Variants in DMPK observed in about 807,000 individuals in gnomAD.
The protein encoded by DMPK is DM1 protein kinase.
Under a neutral mutation model 70.3 loss-of-function variants are expected in DMPK, and 32 were observed. The ratio of observed to expected loss-of-function variants is 0.46; its 90% CI spans 0.34 to 0.61. DMPK has a LOEUF of 0.61. Ranked by LOEUF, DMPK falls within the 20% of genes least tolerant of loss-of-function variation. The pLI is 0.01. For missense variants in DMPK, 899 were observed against 886.0 expected (o/e 1.01, Z -0.19); for synonymous variants, 469 against 390.9 (o/e 1.20, Z -2.36).
At chr19:45,775,856 T>C (rs1430821748) in intron 8 of DMPK, among the ~76,000 whole-genome samples, 5 of 86,146 alleles carry the variant, frequency 5.8e-5, no homozygotes, top group African/African-American at 2.0e-4. Flanking sequence ...AGTCTCACTC[T>C]GTCACCCAGA....
chr19:45,780,509 T>C (rs1288147512), intron 1 of DMPK: 20 of 1,095,166 alleles, frequency 1.8e-5, no homozygotes, highest in Non-Finnish European at 2.1e-5. Flanking sequence ...TATTTACAGA[T>C]GACAATCAGG....
At chr19:45,779,088 G>A (rs1007912205) in intron 4 of DMPK, 176 bp downstream of exon 4, 23 of 654,972 alleles carry the variant, frequency 3.5e-5, no homozygotes, top group Non-Finnish European at 6.2e-5. Context: ...CACCATCCCC[G>A]TCTCAGATAG....
At chr19:45,780,434 G>T (rs1970051818) in intron 1 of DMPK, 1 of 1,323,854 alleles carries the variant, frequency 7.6e-7, no homozygotes, top group Admixed American at 2.2e-5. Flanking sequence ...ACATATCCCA[G>T]ACTCAAGTGC....
At chr19:45,775,075 G>T in intron 8 of DMPK, 41 bp from the exon 9 acceptor site, 2 of 1,539,016 alleles carry the variant, frequency 1.3e-6, no homozygotes, top group Non-Finnish European at 1.8e-6. Flanking sequence ...TCGTCAGGGC[G>T]GGCCCCTCAC....
chr19:45,778,651 G>T lies in DMPK; in HGVS notation c.433-10C>A. 6.2e-7 allele frequency: 1 copy of T among 1,612,506 alleles called. No individual in the cohort carries two copies. On this transcript the variant is annotated splice_polypyrimidine_tract_variant and intron_variant, in intron 4 of 14. Transcript: ENST00000291270. ...ACTCCATGACCAGGTACTGAGAAGGGGTTCGTCATGGGTGGTTGGTAGTCC... is the reference window on the plus strand; with the variant it reads ...ACTCCATGACCAGGTACTGAGAAGGTGTTCGTCATGGGTGGTTGGTAGTCC...
chr19:45,779,120 A>T, intron 4 of DMPK, 144 bp downstream of exon 4: 1 of 804,812 alleles, frequency 1.2e-6, no homozygotes, highest in Admixed American at 1.9e-5. Flanking sequence ...CATCCACCTG[A>T]CACACCCTCT....
At position 45,782,363 on chromosome 19, in the gene DMPK, C is replaced by G. The variant is rs1209176651; in HGVS notation, c.-11G>C. 19 of 1,560,378 alleles carry G rather than the reference C, an allele frequency of 1.2e-5. No individual in the cohort carries two copies. Among genetic ancestry groups the G allele is most frequent in the Non-Finnish European group, 1.6e-5 (18 of 1,153,442 alleles). On this transcript the variant is annotated 5_prime_UTR_variant, in exon 1 of 15. Coordinates refer to ENST00000291270, the MANE Select transcript of DMPK (RefSeq NM_004409.5). ...CACCTCGGCTGACATGTTGGACAGG[C>G]AGCACCATGGCCCCTCCCCGGGCCG...
chr19:45,770,459 G>C lies in DMPK; in HGVS notation c.*29C>G, dbSNP rs1056587328. The C allele has an allele frequency of 6.5e-7, 1 of 1,549,162 alleles. No individual in the cohort carries two copies. ...CCCCGGGCACTCAGTCTTCCAACGG[G>C]GCCCCGGAGTCGAAGACAGTTCTAG... On this transcript the variant is annotated 3_prime_UTR_variant, in exon 15 of 15. Coordinates refer to ENST00000291270, the MANE Select transcript of DMPK (RefSeq NM_004409.5).
intron 14 of DMPK, 141 bp downstream of exon 14, chr19:45,770,830 G>A (rs1969361956): frequency 2.1e-6 from 2 of 964,046 alleles, no homozygotes; most frequent in South Asian, 1.7e-5. Context: ...CTGCTTCCTA[G>A]CGGCCTGTGT....
rs1403450443 is a variant in DMPK at position 45,770,011 on chromosome 19, G to A, written c.*477C>T. On this transcript the variant is annotated 3_prime_UTR_variant, in exon 15 of 15. Coordinates refer to ENST00000291270, the MANE Select transcript of DMPK (RefSeq NM_004409.5). ...CAAATTTCCCGAGTAAGCAGGCAGA[G>A]ATCGCGCCAGACGCTCCCCAGAGCA... The A allele has an allele frequency of 3.8e-5, 14 of 365,084 alleles. No individual in the cohort carries two copies. The highest frequency in any genetic ancestry group is 6.7e-5 in the Non-Finnish European group (13 of 194,036). The allele number at this position is 365,084 out of a possible 1,614,324, so 22.6% of individuals were successfully genotyped here.
In DMPK at chr19:45,770,262, C is replaced by CAGCAGCAGCAGCATT. The variant is rs1376805049; in HGVS notation, c.*225_*226insAATGCTGCTGCTGCT. On this transcript the variant is annotated 3_prime_UTR_variant, in exon 15 of 15. Transcript: ENST00000291270. ...GCAGCAGCAGCAGCAGCAGCAGCAG[C>CAGCAGCAGCAGCATT]AGCATTCCCGGCTACAAGGACCCTT... is the stretch of plus-strand genomic sequence containing the variant. 9.3e-6 allele frequency: 6 copies of CAGCAGCAGCAGCATT among 643,954 alleles called. No homozygotes were observed. The East Asian group carries it at 1.1e-4, about 12-fold the overall frequency. 39.9% of individuals were successfully genotyped at this position (643,954 alleles called of 1,614,324 possible).
chr19:45,782,104 GC>G (rs149612963), intron 1 of DMPK, 88 bp downstream of exon 1: 8 of 722,682 alleles, frequency 1.1e-5, no homozygotes, highest in East Asian at 8.9e-5. Context: ...CTGCCATCCT[GC>G]CCCCCCAACA....
At position 45,772,634 on chromosome 19, in the gene DMPK, AACTT is replaced by A; in HGVS notation, c.1344+3_1344+6del. The A allele has an allele frequency of 4.5e-6, 7 of 1,539,782 alleles. No individual in the cohort carries two copies. Among genetic ancestry groups the A allele is most frequent in the Non-Finnish European group, 5.2e-6 (6 of 1,148,258 alleles). ...CCTGACGGACCCCCTCCCCTCCACC[AACTT>A]ACTGTTTCATCCTGTGGGGACACCG... On this transcript the variant is annotated splice_donor_5th_base_variant and intron_variant, in intron 10 of 14. Coordinates refer to ENST00000291270, the MANE Select transcript of DMPK (RefSeq NM_004409.5).
chr19:45,779,449 T>C lies in DMPK; in HGVS notation c.326A>G (p.Lys109Arg). ...CGCCCAGCCCCTCACCTCGCCCCTC[T>C]TCAGCATGTCCCACTTGTTCATGAT... is the stretch of plus-strand genomic sequence containing the variant. Reference protein sequence around the residue: ...MKIMNKWDMLKRGEVSCFREE... With the variant: ...MKIMNKWDMLRRGEVSCFREE... Residue 109 changes from lysine to arginine, a missense_variant, in exon 3 of 15, where the codon AAG becomes AGG. Around this residue, in one of 3 missense-constraint regions of DMPK, gnomAD observed 195 missense variants for 259.7 expected, o/e 0.75. Transcript: ENST00000291270. The C allele has an allele frequency of 1.9e-6, 3 of 1,613,928 alleles. No homozygotes were observed. The highest frequency in any genetic ancestry group is 2.5e-6 in the Non-Finnish European group (3 of 1,180,010).
At chr19:45,780,143 G>T (rs1970038556) in intron 1 of DMPK, 2 of 1,436,246 alleles carry the variant, frequency 1.4e-6, no homozygotes, top group African/African-American at 2.9e-5. Flanking sequence ...GTTAGGGTGG[G>T]GTAACGGAGT....
At chr19:45,773,047 G>A (rs1291114011) in intron 9 of DMPK, among the ~76,000 whole-genome samples, 1 of 152,222 alleles carries the variant, frequency 6.6e-6, no homozygotes, top group Non-Finnish European at 1.5e-5. Flanking sequence ...CTCCTCCCTT[G>A]ACATGTGACC....
chr19:45,777,160 T>G lies in DMPK; in HGVS notation c.1146+167A>C, dbSNP rs1274128196. 6 of 950,706 alleles carry G rather than the reference T, an allele frequency of 6.3e-6. No homozygotes were observed. Among genetic ancestry groups the G allele is most frequent in the Admixed American group, 3.1e-5 (1 of 31,938 alleles). The allele number at this position is 950,706 out of a possible 1,614,324, so 58.9% of individuals were successfully genotyped here. ...ACTGCTCTGTGTTCCCCCACTGGAC[T>G]GTAAGTCTAGGTCACTGCTGGGTCC... On this transcript the variant is annotated intron_variant, in intron 8 of 14. Transcript: ENST00000291270. The surrounding 1 kb of genome is among the most constrained non-coding windows in gnomAD (Gnocchi z 6.7).
In DMPK at chr19:45,772,689, G is replaced by C. The variant is rs775509391; in HGVS notation, c.1296C>G (p.His432Gln). Residue 432 changes from histidine (H) to glutamine (Q), a missense_variant, in exon 10 of 15, where the codon CAC (histidine) becomes CAG (glutamine). Around this residue, in one of 3 missense-constraint regions of DMPK, gnomAD observed 555 missense variants for 483.8 expected, o/e 1.15. Coordinates refer to ENST00000291270, the MANE Select transcript of DMPK (RefSeq NM_004409.5). ...ELEAEQLLEP[H>Q]VQAPSLEPSV... ...AGGGCTCCAGGCTGGGCGCTTGCAC[G>C]TGTGGCTCAAGCAGCTGCTCGGCCT... The C allele has an allele frequency of 1.3e-6, 2 of 1,529,516 alleles. No individual in the cohort carries two copies. The highest frequency in any genetic ancestry group is 1.7e-6 in the Non-Finnish European group (2 of 1,149,374). 94.7% of individuals were successfully genotyped at this position (1,529,516 alleles called of 1,614,324 possible). A position where few individuals can be genotyped will look rare whatever the true frequency, so the allele number is the denominator to read the frequency against.
rs1156975400 is a variant in DMPK, at chr19:45,776,306, G to A, written c.1146+1021C>T. ...CTACAGGCGCCCGCCACCACGCCTG[G>A]CTAATTTTTTGTATTTTTAGGAGAG... On this transcript the variant is annotated intron_variant, in intron 8 of 14. Transcript: ENST00000291270. Among the ~76,000 whole-genome samples, 3 of 106,596 alleles carry A rather than the reference G, an allele frequency of 2.8e-5. 1 individual carries two copies. Among genetic ancestry groups the A allele is most frequent in the Non-Finnish European group, 6.0e-5 (3 of 49,984 alleles). The allele number at this position is 106,596 out of a possible 152,430, so 69.9% of individuals were successfully genotyped here.
Sources: allele counts gnomAD v4.1 joint callset (sites outside exome capture counted in the v4.1 genomes callset), GRCh38; gene constraint gnomAD v4.1.1; regional missense constraint gnomAD v4.1.1; non-coding constraint Gnocchi (gnomAD v3.1); transcripts MANE v1.5; gene names NCBI Gene and HGNC (gene_info 2026-07-23, HGNC 2026-07-21).